ABCC4: variants seen among roughly 807,000 people sequenced by gnomAD.
ABCC4 encodes the protein ATP binding cassette subfamily C member 4 (PEL blood group), also known as ATP-binding cassette sub-family C member 4.
A neutral mutation model predicts 168.5 loss-of-function variants in ABCC4; 102 were observed. The ratio of observed to expected loss-of-function variants is 0.61; its 90% CI spans 0.52 to 0.71. The LOEUF is 0.71. Among genes scored for constraint, ABCC4 ranks in the 30% least tolerant of loss-of-function variants. ABCC4 has a pLI of 0.00. For synonymous variants in ABCC4, 617 were observed against 590.7 expected (o/e 1.04, Z -0.65); for missense variants, 1,402 against 1,605.8 (o/e 0.87, Z 2.17).
At chr13:95,173,988 T>C (rs1230184537) in intron 13 of ABCC4, among the ~76,000 whole-genome samples, 1 of 152,246 alleles carries the variant, frequency 6.6e-6, no homozygotes, top group Non-Finnish European at 1.5e-5. Context: ...AACAATTTTC[T>C]ATTGTTTATA....
At chr13:95,239,541 A>G (rs2039873879) in intron 3 of ABCC4, among the ~76,000 whole-genome samples, 1 of 152,238 alleles carries the variant, frequency 6.6e-6, no homozygotes, top group Non-Finnish European at 1.5e-5. Context: ...AATAGTATAC[A>G]TTCAAAAGAC....
chr13:95,153,122 G>T (rs1371659807), intron 19 of ABCC4, among the ~76,000 whole-genome samples: 1 of 152,112 alleles, frequency 6.6e-6, no homozygotes, highest in East Asian at 1.9e-4. Flanking sequence ...CCTTGAAATG[G>T]TTATCCAACA....
chr13:95,242,293 T>C (rs1171433613), intron 3 of ABCC4, among the ~76,000 whole-genome samples: 1 of 151,892 alleles, frequency 6.6e-6, no homozygotes, highest in African/African-American at 2.4e-5. Context: ...AGTGGCGTGA[T>C]CTCAGCTCAC....
intron 1 of ABCC4, among the ~76,000 whole-genome samples, chr13:95,296,914 C>A (rs1428634396): frequency 6.6e-6 from 1 of 152,136 alleles, no homozygotes; most frequent in Non-Finnish European, 1.5e-5. Flanking sequence ...TGGGGACTAT[C>A]TCATATCAAA....
At chr13:95,022,506 C>T (rs185443988) in intron 30 of ABCC4, among the ~76,000 whole-genome samples, 4 of 152,146 alleles carry the variant, frequency 2.6e-5, no homozygotes, top group Admixed American at 1.3e-4. Flanking sequence ...TTGACAGATG[C>T]GCATAACAAA....
intron 20 of ABCC4, among the ~76,000 whole-genome samples, chr13:95,105,974 G>A (rs138086447): frequency 2.8e-4 from 42 of 152,278 alleles, no homozygotes; most frequent in East Asian, 9.7e-4. Context: ...GCCGGTTACC[G>A]GCCTCGCTGA....
intron 29 of ABCC4, among the ~76,000 whole-genome samples, chr13:95,040,949 C>T (rs999776120): frequency 1.3e-5 from 2 of 152,194 alleles, no homozygotes; most frequent in African/African-American, 2.4e-5. Flanking sequence ...GCTTATTCCT[C>T]GTTCACTCAC....
chr13:95,074,138 G>T, intron 23 of ABCC4, 76 bp downstream of exon 23: 1 of 1,129,418 alleles, frequency 8.9e-7, no homozygotes, highest in Non-Finnish European at 1.3e-6. Context: ...TAGACAAGGT[G>T]GCAAGAGTTT....
intron 20 of ABCC4, among the ~76,000 whole-genome samples, chr13:95,105,435 G>C (rs1268331909): frequency 6.6e-6 from 1 of 152,060 alleles, no homozygotes; most frequent in African/African-American, 2.4e-5. Flanking sequence ...ATCCTCCCTA[G>C]AGCACTAATT....
In ABCC4 at chr13:95,207,922, A is replaced by C. The variant is rs1312975603; in HGVS notation, c.789T>G (p.Ser263Arg). 3 of 1,613,576 alleles carry C rather than the reference A, an allele frequency of 1.9e-6. No individual in the cohort carries two copies. Among genetic ancestry groups the C allele is most frequent in the Non-Finnish European group, 2.5e-6 (3 of 1,179,952 alleles). The stretch of plus-strand genomic sequence containing the variant: ...TGGCATCCGTGAAAGTTGCAGTTTT[A>C]CTCCTAAGGGGAACCAGACACGGGA... ...CFGKLFSSLRSKTATFTDARI... is the reference protein window; with the variant it reads ...CFGKLFSSLRRKTATFTDARI... Residue 263 changes from serine to arginine, a missense_variant, in exon 7 of 31, where the codon AGT becomes AGG. Physicochemically the swap from Ser to Arg is moderately radical, Grantham distance 110 (BLOSUM62 -1). Transcript: ENST00000645237.
chr13:95,038,187 T>C, intron 29 of ABCC4, among the ~76,000 whole-genome samples: 1 of 151,824 alleles, frequency 6.6e-6, no homozygotes, highest in Non-Finnish European at 1.5e-5. Flanking sequence ...AGTTTCAGGA[T>C]TAATAATGAG....
chr13:95,040,152 GA>G lies in ABCC4; in HGVS notation c.3735+3529del, dbSNP rs1242569686. ...CAGTAAATGATTCTTCTCACCTGGG[GA>G]AGATGAAGGGTAGGTCCCAGTGACC... On this transcript the variant is annotated intron_variant, in intron 29 of 30. Coordinates refer to ENST00000645237, the MANE Select transcript of ABCC4 (RefSeq NM_005845.5). 2.0e-5 allele frequency among the ~76,000 whole-genome samples: 3 copies of G among 152,180 alleles called. No individual in the cohort carries two copies. In the East Asian group the frequency reaches 5.8e-4, roughly 29 times the overall value.
At chr13:95,295,810 C>A (rs1411079778) in intron 1 of ABCC4, among the ~76,000 whole-genome samples, 23 of 150,986 alleles carry the variant, frequency 1.5e-4, no homozygotes, top group Admixed American at 1.5e-3. Flanking sequence ...TAAAAACACA[C>A]AAAAAAATTA....
At chr13:95,088,961 C>G (rs1382152799) in intron 20 of ABCC4, among the ~76,000 whole-genome samples, 2 of 150,816 alleles carry the variant, frequency 1.3e-5, no homozygotes, top group Non-Finnish European at 3.0e-5. Flanking sequence ...AAAGACTAAT[C>G]AAGAAAAAAA....
At chr13:95,149,776 T>C (rs1160939226) in intron 19 of ABCC4, among the ~76,000 whole-genome samples, 1 of 152,132 alleles carries the variant, frequency 6.6e-6, no homozygotes, top group Non-Finnish European at 1.5e-5. Context: ...CAGAAAGAAC[T>C]GGGTATGCTA....
intron 3 of ABCC4, among the ~76,000 whole-genome samples, chr13:95,244,557 G>A (rs4773859): frequency 0.33 from 44,896 of 135,602 alleles, 9,031 homozygotes; most frequent in Non-Finnish European, 0.42. Context: ...GCAACAGAGT[G>A]AGACCCTATC....
chr13:95,071,540 G>T, intron 25 of ABCC4, 122 bp downstream of exon 25: 2 of 852,682 alleles, frequency 2.3e-6, no homozygotes, highest in Non-Finnish European at 3.3e-6. Flanking sequence ...TCCATGGTTA[G>T]TTTCCAAGAC....
chr13:95,051,377 CAAT>C (rs997582626), intron 27 of ABCC4, among the ~76,000 whole-genome samples: 2 of 152,194 alleles, frequency 1.3e-5, no homozygotes, highest in Non-Finnish European at 2.9e-5. Flanking sequence ...AAAACAACAA[CAAT>C]AACAATGGAG....
At chr13:95,216,321 A>C (rs920958311) in intron 4 of ABCC4, among the ~76,000 whole-genome samples, 4 of 152,218 alleles carry the variant, frequency 2.6e-5, no homozygotes, top group African/African-American at 9.6e-5. Context: ...AAAAATCTGT[A>C]AATTAATGTA....
Sources: gnomAD v4.1 joint callset for allele counts (sites outside exome capture counted in the v4.1 genomes callset) on GRCh38, gnomAD v4.1.1 for gene constraint, MANE v1.5 for transcripts, NCBI Gene and HGNC (gene_info 2026-07-23, HGNC 2026-07-21) for gene names.